RASGRP1: variants seen among roughly 807,000 people sequenced by gnomAD.
The protein encoded by RASGRP1 is RAS guanyl-releasing protein 1.
RASGRP1 carries 37 observed loss-of-function variants against 95.1 expected under a neutral mutation model. That is an observed-to-expected ratio of 0.39 (90% CI 0.30 to 0.51). RASGRP1 has a LOEUF of 0.51. Ranked by LOEUF, RASGRP1 falls within the 20% of genes least tolerant of loss-of-function variation. The pLI is 0.80. For missense variants in RASGRP1, 711 were observed against 965.4 expected, an observed-to-expected ratio of 0.74 and a Z score of 3.49; for synonymous variants, 325 against 353.4, an observed-to-expected ratio of 0.92 and a Z score of 0.90.
chr15:38,499,418 T>C (rs182994772), intron 14 of RASGRP1, among the ~76,000 whole-genome samples: 1 of 152,324 alleles, frequency 6.6e-6, no homozygotes, highest in Admixed American at 6.5e-5. Flanking sequence ...AGAGATTCTA[T>C]CTTTTTCACT....
chr15:38,519,217 T>C (rs1891902808), intron 4 of RASGRP1, 92 bp downstream of exon 4: 2 of 1,035,962 alleles, frequency 1.9e-6, no homozygotes. Flanking sequence ...AAAGGTGTTC[T>C]ATAGAGGTCA....
At chr15:38,513,575 G>A (rs1203787238) in intron 6 of RASGRP1, among the ~76,000 whole-genome samples, 1 of 152,152 alleles carries the variant, frequency 6.6e-6, no homozygotes, top group African/African-American at 2.4e-5. Context: ...AGAGGCAAAT[G>A]GAGTACTTAA....
chr15:38,502,234 A>G (rs183880588), intron 12 of RASGRP1, 78 bp downstream of exon 12: 136 of 1,016,274 alleles, frequency 1.3e-4, no homozygotes, highest in Middle Eastern at 8.3e-4. Context: ...GAGTTTTCAA[A>G]TTCTTCTAGT....
chr15:38,544,865 A>G lies in RASGRP1; in HGVS notation c.220+14956T>C, dbSNP rs551715914. Among the ~76,000 whole-genome samples, 8 of 152,332 alleles carry G rather than the reference A, an allele frequency of 5.3e-5. No homozygotes were observed. The East Asian group carries it at 1.2e-3, about 22-fold the overall frequency. On this transcript the variant is annotated intron_variant, in intron 2 of 16. Transcript: ENST00000310803. ...CCTCACATCTTTTTATTTTATCCAC[A>G]ATCACATGTCTGTCTTGTTTTCTGA...
Position 38,552,765 on chromosome 15 carries a change from G to A in RASGRP1, c.220+7056C>T, listed in dbSNP as rs929664326. Among the ~76,000 whole-genome samples, 4 of 152,166 alleles carry A rather than the reference G, an allele frequency of 2.6e-5. 1 individual carries two copies. The South Asian group carries it at 8.3e-4, about 32-fold the overall frequency. ...CATGGCTGTGTTTAATAACTAGCTT[G>A]CAAAATTCCTGAAAATTTAACAATC... On this transcript the variant is annotated intron_variant, in intron 2 of 16. Coordinates refer to ENST00000310803, the MANE Select transcript of RASGRP1 (RefSeq NM_005739.4).
chr15:38,557,627 G>GTATA (rs1161829712), intron 2 of RASGRP1, among the ~76,000 whole-genome samples: 17 of 147,844 alleles, frequency 1.1e-4, no homozygotes, highest in African/African-American at 4.5e-4. Context: ...GTGTGTGTGT[G>GTATA]TGTATATATA....
chr15:38,518,235 G>T, intron 5 of RASGRP1, 57 bp downstream of exon 5: 2 of 1,557,358 alleles, frequency 1.3e-6, no homozygotes, highest in East Asian at 2.3e-5. Context: ...AAGCAACTGG[G>T]ATTATATTAC....
chr15:38,543,532 A>C, intron 2 of RASGRP1, among the ~76,000 whole-genome samples: 1 of 131,496 alleles, frequency 7.6e-6, no homozygotes, highest in African/African-American at 2.9e-5. Context: ...GTCCATTTAA[A>C]CTCTGGTTAC....
In RASGRP1 at chr15:38,488,585, CTAAT is replaced by C. The variant is rs1463115354; in HGVS notation, c.*1965_*1968del. The C allele has an allele frequency of 3.3e-5, 5 of 151,892 alleles. No individual in the cohort carries two copies. The East Asian group carries it at 9.6e-4, about 29-fold the overall frequency. 9.4% of individuals were successfully genotyped at this position (151,892 alleles called of 1,614,324 possible). ...TACTGTTTAGCCATTGCTAATTTGA[CTAAT>C]TAAGTGGACTGTGACACCTTTTGAA... On this transcript the variant is annotated 3_prime_UTR_variant, in exon 17 of 17. Transcript: ENST00000310803.
At chr15:38,501,714 A>G (rs1279963266) in intron 12 of RASGRP1, among the ~76,000 whole-genome samples, 3 of 152,256 alleles carry the variant, frequency 2.0e-5, no homozygotes, top group South Asian at 2.1e-4. Flanking sequence ...ACCTTGAGAA[A>G]AGTAAAAATG....
Position 38,518,405 on chromosome 15 carries a change from G to C in RASGRP1, c.408C>G (p.Phe136Leu). The C allele has an allele frequency of 6.2e-7, 1 of 1,605,092 alleles. No individual in the cohort carries two copies. The highest frequency in any genetic ancestry group is 8.5e-7 in the Non-Finnish European group (1 of 1,175,586). ...CYFVRYWITE[F>L]WVMFKMDASL... is the part of the protein sequence containing the mutation. ...TGGCGTCCATTTTAAACATGACCCAGAATTCTGTTATCCAATACCTACAAG... is the reference window on the plus strand; with the variant it reads ...TGGCGTCCATTTTAAACATGACCCACAATTCTGTTATCCAATACCTACAAG... Residue 136 changes from phenylalanine to leucine, a missense_variant, in exon 5 of 17, where the codon TTC (phenylalanine) becomes TTG (leucine). Phe to Leu is a conservative substitution (Grantham distance 22). Coordinates refer to ENST00000310803, the MANE Select transcript of RASGRP1 (RefSeq NM_005739.4).
chr15:38,539,659 G>A (rs1892789646), intron 2 of RASGRP1, among the ~76,000 whole-genome samples: 1 of 151,674 alleles, frequency 6.6e-6, no homozygotes, highest in African/African-American at 2.4e-5. Flanking sequence ...CCATGCTGGT[G>A]TGCCGCACCC....
At chr15:38,554,022 G>A (rs1893443557) in intron 2 of RASGRP1, among the ~76,000 whole-genome samples, 1 of 152,156 alleles carries the variant, frequency 6.6e-6, no homozygotes, top group Non-Finnish European at 1.5e-5. Flanking sequence ...TCCATTCATG[G>A]GTCACCTCCA....
intron 2 of RASGRP1, among the ~76,000 whole-genome samples, chr15:38,537,198 C>T (rs574001385): frequency 1.0e-3 from 153 of 152,226 alleles, no homozygotes; most frequent in African/African-American, 3.5e-3. Context: ...TGGGGTCCTC[C>T]TTGGCAGTTA....
At position 38,564,729 on chromosome 15, in the gene RASGRP1, G is replaced by A. The variant is rs1035561519; in HGVS notation, c.-101C>T. On this transcript the variant is annotated 5_prime_UTR_variant, in exon 1 of 17. Transcript: ENST00000310803. ...GCCGCCTGCCGGCTCTCTCCCCCCC[G>A]GGCCTCGTAGCCCCGGCGCCCGCCA... The A allele has an allele frequency of 7.1e-5, 72 of 1,019,990 alleles. No individual in the cohort carries two copies. The highest frequency in any genetic ancestry group is 4.3e-4 in the South Asian group (9 of 21,070). 63.2% of individuals were successfully genotyped at this position (1,019,990 alleles called of 1,614,324 possible). A position where few individuals can be genotyped will look rare whatever the true frequency, so the allele number is the denominator to read the frequency against.
chr15:38,544,746 C>T (rs377658668), intron 2 of RASGRP1, among the ~76,000 whole-genome samples: 6 of 152,208 alleles, frequency 3.9e-5, no homozygotes, highest in African/African-American at 9.6e-5. Context: ...TAAGATACTC[C>T]GCAAGGCAAG....
At chr15:38,515,868 G>A (rs966173784) in intron 6 of RASGRP1, among the ~76,000 whole-genome samples, 4 of 142,014 alleles carry the variant, frequency 2.8e-5, no homozygotes, top group Non-Finnish European at 4.6e-5. Flanking sequence ...TCAGGGGTAT[G>A]AGGGTAGAAT....
intron 2 of RASGRP1, among the ~76,000 whole-genome samples, chr15:38,539,084 G>C (rs1892768740): frequency 6.6e-6 from 1 of 152,194 alleles, no homozygotes; most frequent in Non-Finnish European, 1.5e-5. Context: ...CAGAGAGTAA[G>C]GTGGTATGAC....
Position 38,516,329 on chromosome 15 carries a change from C to T in RASGRP1, c.543G>A (p.Arg181=). 6.2e-7 allele frequency: 1 copy of T among 1,611,264 alleles called. No homozygotes were observed. Among genetic ancestry groups the T allele is most frequent in the Non-Finnish European group, 8.5e-7 (1 of 1,177,512 alleles). ...TTQINARDWS[R]KLTQRIKSNT... is the part of the protein sequence containing the mutation. ...TTGATTTTATCCTTTGAGTAAGTTT[C>T]CTGGACCAGTCACGGGCATTGCTTT... Residue 181 remains arginine, a synonymous_variant, in exon 6 of 17, where the codon AGG becomes AGA. Coordinates refer to ENST00000310803, the MANE Select transcript of RASGRP1 (RefSeq NM_005739.4).
Sources: allele counts gnomAD v4.1 joint callset (sites outside exome capture counted in the v4.1 genomes callset), GRCh38; gene constraint gnomAD v4.1.1; transcripts MANE v1.5; gene names NCBI Gene and HGNC (gene_info 2026-07-23, HGNC 2026-07-21).